Variants in ACER3 observed in about 807,000 individuals in gnomAD.
The protein encoded by ACER3 is alkCDase 3.
Under a neutral mutation model 48.9 loss-of-function variants are expected in ACER3, and 16 were observed. That is an observed-to-expected ratio of 0.33 (90% CI 0.22 to 0.50). ACER3 has a LOEUF of 0.50. ACER3 is among the 20% of genes least tolerant of loss of function. The pLI, the probability that ACER3 is intolerant of heterozygous loss-of-function variation, is 0.98. For synonymous variants in ACER3, 109 were observed against 107.8 expected, an observed-to-expected ratio of 1.01 and a Z score of -0.07; for missense variants, 227 against 326.0, an observed-to-expected ratio of 0.70 and a Z score of 2.34.
chr11:76,967,055 C>T (rs950374471), intron 3 of ACER3, among the ~76,000 whole-genome samples: 21 of 151,838 alleles, frequency 1.4e-4, no homozygotes, highest in African/African-American at 2.2e-4. Flanking sequence ...ATTGATAGAC[C>T]GCTAGCAAGA....
At chr11:76,872,490 G>A (rs994931851) in intron 1 of ACER3, among the ~76,000 whole-genome samples, 1 of 152,080 alleles carries the variant, frequency 6.6e-6, no homozygotes, top group African/African-American at 2.4e-5. Flanking sequence ...TTGGGAACTG[G>A]TGATCTAATG....
chr11:76,868,385 C>CTGTGTGTG (rs1305396681), intron 1 of ACER3: 1 of 544,752 alleles, frequency 1.8e-6, no homozygotes, highest in Non-Finnish European at 2.7e-6. Context: ...ATCTCTCTCT[C>CTGTGTGTG]TCTCTCTGTG....
chr11:76,921,869 G>A (rs1946693552), intron 1 of ACER3, among the ~76,000 whole-genome samples: 1 of 152,096 alleles, frequency 6.6e-6, no homozygotes, highest in African/African-American at 2.4e-5. Flanking sequence ...GATATTTGAA[G>A]ATAGCAGTCA....
At chr11:76,980,270 AC>A (rs1948555026) in intron 4 of ACER3, among the ~76,000 whole-genome samples, 1 of 152,252 alleles carries the variant, frequency 6.6e-6, no homozygotes, top group Non-Finnish European at 1.5e-5. Context: ...TATTTTAAAA[AC>A]TATTCTGATG....
chr11:76,937,645 T>C lies in ACER3; in HGVS notation c.214+10978T>C, dbSNP rs59160398. Among the ~76,000 whole-genome samples the C allele has an allele frequency of 5.5e-3, 842 of 152,296 alleles. 11 individuals are homozygous for C. Among genetic ancestry groups the C allele is most frequent in the African/African-American group, 0.019 (808 of 41,558 alleles). ...GCTAGTAAAAAGAAAATATACACATTACTTATTTTTTCAAAAAGAAATAAG... is the reference window on the plus strand; with the variant it reads ...GCTAGTAAAAAGAAAATATACACATCACTTATTTTTTCAAAAAGAAATAAG... On this transcript the variant is annotated intron_variant, in intron 2 of 10. Coordinates refer to ENST00000532485, the MANE Select transcript of ACER3 (RefSeq NM_018367.7).
chr11:76,964,319 C>G (rs1270552060), intron 3 of ACER3, among the ~76,000 whole-genome samples: 2 of 151,482 alleles, frequency 1.3e-5, no homozygotes, highest in African/African-American at 4.9e-5. Context: ...GGCCGGGAAG[C>G]TCGAACTGGA....
intron 1 of ACER3, among the ~76,000 whole-genome samples, chr11:76,889,820 A>G (rs1474625166): frequency 6.8e-6 from 1 of 147,496 alleles, no homozygotes; most frequent in Non-Finnish European, 1.5e-5. Flanking sequence ...TAATTATTCT[A>G]TTTTTCATTT....
At chr11:76,972,768 G>A (rs147051748) in intron 3 of ACER3, among the ~76,000 whole-genome samples, 48 of 152,142 alleles carry the variant, frequency 3.2e-4, no homozygotes, top group Admixed American at 7.9e-4. Context: ...GCAGGGGCAC[G>A]ACACCTCCTC....
At chr11:76,958,419 T>G (rs1182353225) in intron 2 of ACER3, among the ~76,000 whole-genome samples, 2 of 151,918 alleles carry the variant, frequency 1.3e-5, no homozygotes, top group African/African-American at 4.8e-5. Context: ...ACTCCTGACC[T>G]TAGATGGTCC....
intron 1 of ACER3, among the ~76,000 whole-genome samples, chr11:76,882,336 A>G (rs1430189036): frequency 1.3e-5 from 2 of 151,924 alleles, no homozygotes; most frequent in Non-Finnish European, 2.9e-5. Flanking sequence ...GTGCATATAC[A>G]TGTTGGGTAG....
At chr11:76,997,660 AC>A (rs1948943170) in intron 6 of ACER3, among the ~76,000 whole-genome samples, 1 of 136,156 alleles carries the variant, frequency 7.3e-6, no homozygotes, top group South Asian at 2.5e-4. Flanking sequence ...ACATAGTGAG[AC>A]CTTGTCTATA....
chr11:76,926,578 T>A lies in ACER3; in HGVS notation c.125T>A (p.Ile42Asn), dbSNP rs773286511. ...AEFWNTVSNL[I>N]MIIPPMFGAV... ...AAAGGGAATACAGTGAGTAACCTGA[T>A]CATGATTATACCTCCAATGTTCGGT... is the stretch of plus-strand genomic sequence containing the variant. Residue 42 changes from isoleucine (I) to asparagine (N), a missense_variant, in exon 2 of 11, where the codon ATC (isoleucine) becomes AAC (asparagine). Transcript: ENST00000532485. The A allele has an allele frequency of 3.1e-6, 5 of 1,606,852 alleles. No individual in the cohort carries two copies. The Admixed American group carries it at 6.7e-5, about 21-fold the overall frequency.
rs533955223 is a variant in ACER3, at chr11:76,913,661, A to G, written c.104-12896A>G. On this transcript the variant is annotated intron_variant, in intron 1 of 10. Coordinates refer to ENST00000532485, the MANE Select transcript of ACER3 (RefSeq NM_018367.7). Reference sequence around the variant, plus strand: ...TATAGATTCAATGCCATCCGCATCAAGCTACCAATGACTTTCTTCACAGAA... The same window carrying G: ...TATAGATTCAATGCCATCCGCATCAGGCTACCAATGACTTTCTTCACAGAA... Among the ~76,000 whole-genome samples the G allele has an allele frequency of 2.1e-3, 314 of 152,348 alleles. 4 individuals are homozygous for G. The highest frequency in any genetic ancestry group is 5.4e-4 in the Non-Finnish European group (37 of 68,034).
chr11:76,993,804 G>A (rs982832851), intron 6 of ACER3, among the ~76,000 whole-genome samples: 10 of 152,182 alleles, frequency 6.6e-5, no homozygotes, highest in Admixed American at 6.5e-5. Context: ...GTTCACAATA[G>A]TGTTTGCGCT....
chr11:76,950,877 G>A (rs947090697), intron 2 of ACER3, among the ~76,000 whole-genome samples: 51 of 152,216 alleles, frequency 3.4e-4, no homozygotes, highest in African/African-American at 1.2e-3. Flanking sequence ...TAATATGGAC[G>A]ATCTTTTCTG....
chr11:76,952,334 A>G (rs1947695389), intron 2 of ACER3, among the ~76,000 whole-genome samples: 1 of 148,836 alleles, frequency 6.7e-6, no homozygotes, highest in Admixed American at 6.8e-5. Flanking sequence ...ATCTCGGCTC[A>G]CTGCAACCTC....
At chr11:76,896,939 T>C (rs977421459) in intron 1 of ACER3, among the ~76,000 whole-genome samples, 11 of 151,920 alleles carry the variant, frequency 7.2e-5, no homozygotes, top group African/African-American at 2.7e-4. Flanking sequence ...GTTGTTGTTG[T>C]TGTTGTTGTT....
At chr11:76,880,079 T>C (rs1452746766) in intron 1 of ACER3, among the ~76,000 whole-genome samples, 1 of 152,216 alleles carries the variant, frequency 6.6e-6, no homozygotes, top group Non-Finnish European at 1.5e-5. Flanking sequence ...CTCTCTTTTT[T>C]GATGATTAAT....
rs915463672 is a variant in ACER3, at chr11:76,861,013, C to G, written c.37C>G (p.Pro13Ala). 1 of 1,546,946 alleles carries G rather than the reference C, an allele frequency of 6.5e-7. No homozygotes were observed. The highest frequency in any genetic ancestry group is 2.0e-5 in the Admixed American group (1 of 50,894). Residue 13 changes from proline to alanine, a missense_variant, in exon 1 of 11, where the codon CCC (proline) becomes GCC (alanine). Physicochemically the swap from Pro to Ala is conservative, Grantham distance 27. This residue lies in a region of ACER3 where 27 missense variants were observed against 18.1 expected (regional missense o/e 1.49). Coordinates refer to ENST00000532485, the MANE Select transcript of ACER3 (RefSeq NM_018367.7). ...PAADREGYWG[P>A]TTSTLDWCEE... The stretch of plus-strand genomic sequence containing the variant: ...CGCGGACCGAGAGGGCTACTGGGGC[C>G]CCACGACCTCCACGCTGGACTGGTG...
Sources: gnomAD v4.1 joint callset for allele counts (sites outside exome capture counted in the v4.1 genomes callset) on GRCh38, gnomAD v4.1.1 for gene constraint, gnomAD v4.1.1 regional missense constraint, MANE v1.5 for transcripts, NCBI Gene and HGNC (gene_info 2026-07-23, HGNC 2026-07-21) for gene names.